Variants in PCDH15 observed in about 807,000 individuals in gnomAD.
The protein encoded by PCDH15 is protocadherin related 15.
A neutral mutation model predicts 178.5 loss-of-function variants in PCDH15; 129 were observed. The ratio of observed to expected loss-of-function variants is 0.72; its 90% CI spans 0.63 to 0.84. The LOEUF is 0.84. Among genes scored for constraint, PCDH15 ranks in the 40% least tolerant of loss-of-function variants. PCDH15 has a pLI of 0.00. For missense variants in PCDH15, 2,230 were observed against 2,099.9 expected, an observed-to-expected ratio of 1.06 and a Z score of -1.21; for synonymous variants, 800 against 732.0, an observed-to-expected ratio of 1.09 and a Z score of -1.50.
intron 6 of PCDH15, among the ~76,000 whole-genome samples, chr10:54,336,959 A>T (rs752160368): frequency 6.6e-6 from 1 of 152,176 alleles, no homozygotes; most frequent in Non-Finnish European, 1.5e-5. Context: ...AGACCATGGG[A>T]ACCCACTTCT....
At chr10:54,105,965 G>A (rs562809278) in intron 15 of PCDH15, among the ~76,000 whole-genome samples, 6 of 152,124 alleles carry the variant, frequency 3.9e-5, no homozygotes, top group African/African-American at 9.7e-5. Context: ...AAAAAATAAT[G>A]AAATATCAAT....
At chr10:54,245,312 G>T (rs1024767719) in intron 8 of PCDH15, among the ~76,000 whole-genome samples, 4 of 152,010 alleles carry the variant, frequency 2.6e-5, no homozygotes, top group Admixed American at 2.6e-4. Context: ...TTCCCAAGTG[G>T]TTTTATCATT....
intron 2 of PCDH15, among the ~76,000 whole-genome samples, chr10:55,505,326 T>C (rs181564831): frequency 6.6e-6 from 1 of 151,454 alleles, no homozygotes; most frequent in East Asian, 1.9e-4. Context: ...TTATTGACAT[T>C]TAACTGAAAT....
intron 25 of PCDH15, among the ~76,000 whole-genome samples, chr10:53,931,707 T>G (rs1157294687): frequency 1.3e-5 from 2 of 152,148 alleles, no homozygotes; most frequent in Admixed American, 1.3e-4. Context: ...AATTTTATAA[T>G]TTTTAAAAAA....
intron 2 of PCDH15, among the ~76,000 whole-genome samples, chr10:55,011,919 C>G (rs11004674): frequency 6.6e-6 from 1 of 151,832 alleles, no homozygotes; most frequent in South Asian, 2.1e-4. Flanking sequence ...AAAACTAAGG[C>G]GAGAAATCAA....
intron 7 of PCDH15, among the ~76,000 whole-genome samples, chr10:54,322,222 A>T (rs1410766216): frequency 6.6e-6 from 1 of 151,922 alleles, no homozygotes; most frequent in African/African-American, 2.4e-5. Context: ...AAAAATAACT[A>T]TTTCTATAAA....
At chr10:54,925,166 A>G (rs2041360169) in intron 2 of PCDH15, among the ~76,000 whole-genome samples, 1 of 152,140 alleles carries the variant, frequency 6.6e-6, no homozygotes, top group South Asian at 2.1e-4. Flanking sequence ...GCATATGGCT[A>G]GCCATTTATC....
rs928552460 is a variant in PCDH15 at position 53,959,816 on chromosome 10, T to C, written c.3038A>G (p.Glu1013Gly). Residue 1013 changes from glutamate (E) to glycine (G), a missense_variant, in exon 23 of 38, where the codon GAG becomes GGG. Transcript: ENST00000644397. ...KLVVVAFDDG[E>G]PVMSSSATVK... ...TGTGGCACTGCTGGACATCACAGGC[T>C]CCCCATCATCAAAAGCAACCACCAC... 3 of 1,613,960 alleles carry C rather than the reference T, an allele frequency of 1.9e-6. No homozygotes were observed. The highest frequency in any genetic ancestry group is 2.5e-6 in the Non-Finnish European group (3 of 1,179,930).
At chr10:54,082,729 GA>G (rs2094452602) in intron 16 of PCDH15, among the ~76,000 whole-genome samples, 1 of 146,848 alleles carries the variant, frequency 6.8e-6, no homozygotes, top group African/African-American at 2.5e-5. Context: ...GGAAGCAAAG[GA>G]AAAAATAGAT....
chr10:53,888,291 C>CTAT (rs2081248279), intron 26 of PCDH15, among the ~76,000 whole-genome samples: 1 of 48,824 alleles, frequency 2.0e-5, no homozygotes, highest in African/African-American at 5.0e-5. Context: ...ACTATATATA[C>CTAT]ATATATATAT....
At chr10:55,558,523 T>A (rs529023550) in intron 2 of PCDH15, among the ~76,000 whole-genome samples, 2 of 152,256 alleles carry the variant, frequency 1.3e-5, no homozygotes, top group Non-Finnish European at 2.9e-5. Flanking sequence ...TGAAAGTAAT[T>A]CTCAGGGAAT....
chr10:54,521,177 C>T (rs551286183), intron 3 of PCDH15, among the ~76,000 whole-genome samples: 241 of 152,046 alleles, frequency 1.6e-3, no homozygotes, highest in Non-Finnish European at 1.8e-3. Flanking sequence ...CAAACCTGCA[C>T]ATTGTGCACA....
chr10:54,241,488 A>C (rs2055292628), intron 8 of PCDH15, among the ~76,000 whole-genome samples: 1 of 152,206 alleles, frequency 6.6e-6, no homozygotes, highest in Admixed American at 6.5e-5. Context: ...CCCTCAGCCT[A>C]GTGCCTCACA....
intron 2 of PCDH15, among the ~76,000 whole-genome samples, chr10:55,570,867 G>A (rs1365638979): frequency 2.0e-5 from 3 of 151,858 alleles, no homozygotes; most frequent in Non-Finnish European, 4.4e-5. Flanking sequence ...AAGTGTTATC[G>A]TCTGTTTAGC....
intron 1 of PCDH15, among the ~76,000 whole-genome samples, chr10:55,196,575 G>A (rs971301300): frequency 1.3e-5 from 2 of 151,942 alleles, no homozygotes; most frequent in African/African-American, 2.4e-5. Flanking sequence ...CAAACATAAG[G>A]ACATAAAGCC....
At chr10:54,279,889 T>A (rs7073153) in intron 8 of PCDH15, among the ~76,000 whole-genome samples, 1 of 151,590 alleles carries the variant, frequency 6.6e-6, no homozygotes, top group East Asian at 1.9e-4. Context: ...AAAATAAATG[T>A]AGGACATTAA....
intron 20 of PCDH15, among the ~76,000 whole-genome samples, chr10:54,007,619 CTG>C (rs1393196071): frequency 6.6e-6 from 1 of 152,104 alleles, no homozygotes; most frequent in Non-Finnish European, 1.5e-5. Context: ...ACTAAGAAAG[CTG>C]TGTGCAGATG....
At chr10:54,478,302 C>G (rs1323209363) in intron 3 of PCDH15, among the ~76,000 whole-genome samples, 1 of 151,998 alleles carries the variant, frequency 6.6e-6, no homozygotes, top group Non-Finnish European at 1.5e-5. Context: ...TTAAAAGTAA[C>G]AGGTTTACAG....
chr10:55,252,930 A>C (rs899322802), intron 1 of PCDH15, among the ~76,000 whole-genome samples: 2 of 152,192 alleles, frequency 1.3e-5, no homozygotes, highest in Non-Finnish European at 2.9e-5. Context: ...TTCAACATTC[A>C]GCTAAAGGAG....
Sources: gnomAD v4.1 joint callset for allele counts (sites outside exome capture counted in the v4.1 genomes callset) on GRCh38, gnomAD v4.1.1 for gene constraint, MANE v1.5 for transcripts, NCBI Gene and HGNC (gene_info 2026-07-23, HGNC 2026-07-21) for gene names.